Variants in ZNF280D observed in about 807,000 individuals in gnomAD.
ZNF280D encodes the protein zinc finger protein 280D, also known as suppressor of hairy wing homolog 4.
In ZNF280D, 39 loss-of-function variants were observed where a neutral mutation model predicts 94.7. That is an observed-to-expected ratio of 0.41 (90% CI 0.32 to 0.54). The LOEUF is 0.54. Among genes scored for constraint, ZNF280D ranks in the 20% least tolerant of loss-of-function variants. ZNF280D has a pLI of 0.22. For missense variants in ZNF280D, 1,090 were observed against 1,149.3 expected (o/e 0.95, Z 0.75); for synonymous variants, 398 against 377.6 (o/e 1.05, Z -0.63).
chr15:56,665,703 CAAA>C (rs71113013), intron 16 of ZNF280D, among the ~76,000 whole-genome samples: 2 of 86,420 alleles, frequency 2.3e-5, no homozygotes. Flanking sequence ...GACTCCGTCT[CAAA>C]AAAAAAAAAA....
In ZNF280D at chr15:56,717,932, G is replaced by A. The variant is rs751896896; in HGVS notation, c.-85-10626C>T. Among the ~76,000 whole-genome samples the A allele has an allele frequency of 1.3e-3, 198 of 152,144 alleles. 3 individuals are homozygous for A. Among genetic ancestry groups the A allele is most frequent in the South Asian group, 2.1e-4 (1 of 4,806 alleles). ...TAGCAGTTAAAATATCAAAAACGAA[G>A]ATGAACTCTAGGTGAGAAAGATCAT... On this transcript the variant is annotated intron_variant, in intron 1 of 21. Transcript: ENST00000267807.
chr15:56,701,759 T>C (rs1256972262), intron 4 of ZNF280D, among the ~76,000 whole-genome samples: 2 of 152,092 alleles, frequency 1.3e-5, no homozygotes, highest in African/African-American at 4.8e-5. Flanking sequence ...TATCTACTAT[T>C]AGTTTTGAGT....
chr15:56,702,107 A>C (rs1405970079), intron 4 of ZNF280D, among the ~76,000 whole-genome samples: 1 of 151,660 alleles, frequency 6.6e-6, no homozygotes, highest in Non-Finnish European at 1.5e-5. Flanking sequence ...AGATCCCATT[A>C]AGTAATTCTA....
At chr15:56,665,011 G>C (rs1427945820) in intron 16 of ZNF280D, among the ~76,000 whole-genome samples, 1 of 152,038 alleles carries the variant, frequency 6.6e-6, no homozygotes, top group African/African-American at 2.4e-5. Context: ...ACAGTTTATA[G>C]GAAGAGATTT....
At chr15:56,728,979 G>C (rs1397137958) in intron 1 of ZNF280D, among the ~76,000 whole-genome samples, 6 of 152,174 alleles carry the variant, frequency 3.9e-5, no homozygotes, top group African/African-American at 1.4e-4. Flanking sequence ...TTCAACTCAT[G>C]ATACTTTCAA....
Position 56,677,580 on chromosome 15 carries a change from G to C in ZNF280D, c.1257C>G (p.Val419=), listed in dbSNP as rs144699403. The change falls in exon 12 of 22, where the codon GTC becomes GTG. Residue 419 remains valine (V), a synonymous_variant. Transcript: ENST00000267807. ...CAATAAAATGTATGTGTACCTGGCA[G>C]ACATATGGCATTTCACCAGGTTTAT... The part of the protein sequence containing the change: ...DNHKPGEMPY[V]CQVCNYRSSS... 1 of 1,599,968 alleles carries C rather than the reference G, an allele frequency of 6.3e-7. No individual in the cohort carries two copies. Among genetic ancestry groups the C allele is most frequent in the Admixed American group, 1.7e-5 (1 of 59,872 alleles).
intron 1 of ZNF280D, among the ~76,000 whole-genome samples, chr15:56,709,062 T>C (rs377496511): frequency 2.0e-5 from 3 of 151,864 alleles, no homozygotes; most frequent in African/African-American, 7.3e-5. Flanking sequence ...ACCATCAGAG[T>C]GAACAGGCAA....
chr15:56,654,003 G>C, intron 19 of ZNF280D, 195 bp downstream of exon 19: 1 of 1,434,600 alleles, frequency 7.0e-7, no homozygotes, highest in Non-Finnish European at 9.1e-7. Flanking sequence ...TTTGAACTTA[G>C]GAAATTCCAA....
intron 20 of ZNF280D, among the ~76,000 whole-genome samples, chr15:56,638,494 G>A: frequency 6.6e-6 from 1 of 152,092 alleles, no homozygotes; most frequent in East Asian, 1.9e-4. Flanking sequence ...TTGAAGTACT[G>A]GGTGAGGCTG....
rs564493852 is a variant in ZNF280D, at chr15:56,692,632, T to C, written c.499+466A>G. Reference sequence around the variant, plus strand: ...GTACAAATCACTATTTATTTATTGTTGGGAGTTTATAATAGCACTTTATAA... The same window carrying C: ...GTACAAATCACTATTTATTTATTGTCGGGAGTTTATAATAGCACTTTATAA... On this transcript the variant is annotated intron_variant, in intron 7 of 21. Transcript: ENST00000267807. Among the ~76,000 whole-genome samples, 10 of 152,240 alleles carry C rather than the reference T, an allele frequency of 6.6e-5. No individual in the cohort carries two copies. In the East Asian group the frequency reaches 1.9e-3, roughly 29 times the overall value.
At chr15:56,702,910 AACACACACACACACACACACACACAC>A (rs59095987) in intron 4 of ZNF280D, among the ~76,000 whole-genome samples, 1 of 135,682 alleles carries the variant, frequency 7.4e-6, no homozygotes, top group South Asian at 2.6e-4. Context: ...ATGGTAAGTA[AACACACACACACACACACACACACAC>A]ACACACACAC....
At chr15:56,698,577 T>C (rs530830271) in intron 6 of ZNF280D, 22 of 152,302 alleles carry the variant, frequency 1.4e-4, no homozygotes, top group African/African-American at 5.3e-4. Flanking sequence ...AATCCCCAGG[T>C]CCTGGTATTC....
intron 21 of ZNF280D, among the ~76,000 whole-genome samples, chr15:56,632,468 T>C (rs2052126819): frequency 6.6e-6 from 1 of 151,434 alleles, no homozygotes; most frequent in African/African-American, 2.4e-5. Context: ...AAAAAATATA[T>C]TTGGAAAAAA....
chr15:56,707,180 G>A (rs1359738115), intron 2 of ZNF280D, 30 bp from the exon 3 acceptor site: 2 of 1,610,538 alleles, frequency 1.2e-6, no homozygotes, highest in Admixed American at 1.7e-5. Context: ...AATTTAATGA[G>A]TCACTTTAAG....
intron 19 of ZNF280D, chr15:56,652,582 A>T (rs1212508058): frequency 1.1e-6 from 1 of 948,982 alleles, no homozygotes; most frequent in Non-Finnish European, 1.3e-6. Context: ...AATTTAAAAT[A>T]TATAAAGGAA....
At chr15:56,655,424 T>G (rs1367545028) in intron 17 of ZNF280D, among the ~76,000 whole-genome samples, 1 of 122,580 alleles carries the variant, frequency 8.2e-6, no homozygotes, top group African/African-American at 3.2e-5. Flanking sequence ...GTCAGGCTGG[T>G]CTCGAACTCC....
intron 1 of ZNF280D, among the ~76,000 whole-genome samples, chr15:56,707,540 T>G (rs572022684): frequency 6.6e-6 from 1 of 152,076 alleles, no homozygotes; most frequent in South Asian, 2.1e-4. Flanking sequence ...TTACAAATAA[T>G]TTTTTAAAGT....
intron 6 of ZNF280D, chr15:56,699,428 T>C (rs910275695): frequency 7.5e-6 from 6 of 804,094 alleles, no homozygotes; most frequent in Non-Finnish European, 9.0e-6. Flanking sequence ...TCAGCATCAC[T>C]ATACACATGT....
At chr15:56,674,536 C>G (rs1458255048) in intron 13 of ZNF280D, among the ~76,000 whole-genome samples, 1 of 152,006 alleles carries the variant, frequency 6.6e-6, no homozygotes, top group Non-Finnish European at 1.5e-5. Flanking sequence ...TCTGGTAGAG[C>G]AGTAAAAGCT....
Sources: gnomAD v4.1 joint callset for allele counts (sites outside exome capture counted in the v4.1 genomes callset) on GRCh38, gnomAD v4.1.1 for gene constraint, MANE v1.5 for transcripts, NCBI Gene and HGNC (gene_info 2026-07-23, HGNC 2026-07-21) for gene names.